ATP1B3: variants seen among roughly 807,000 people sequenced by gnomAD.
ATP1B3 encodes the protein ATPase Na+/K+ transporting subunit beta 3, also known as sodium/potassium-transporting ATPase subunit beta-3.
In ATP1B3, 10 loss-of-function variants were observed where a neutral mutation model predicts 30.2. The observed-to-expected ratio is 0.33, with a 90% confidence interval of 0.20 to 0.56. The LOEUF is 0.56. ATP1B3 is among the 20% of genes least tolerant of loss of function. The pLI, the probability that ATP1B3 is intolerant of heterozygous loss-of-function variation, is 0.90. For synonymous variants in ATP1B3, 113 were observed against 117.0 expected, an observed-to-expected ratio of 0.97 and a Z score of 0.22; for missense variants, 238 against 336.7, an observed-to-expected ratio of 0.71 and a Z score of 2.29.
chr3:141,876,875 C>T lies in ATP1B3; in HGVS notation c.74C>T (p.Thr25Ile). ...AAGCTCTTCATCTACAACCCGACCA[C>T]CGGAGAATTCCTGGGGCGCACCGCC... ...EWKLFIYNPT[T>I]GEFLGRTAKS... The change falls in exon 1 of 7, where the codon ACC (threonine) becomes ATC (isoleucine). Residue 25 changes from threonine to isoleucine, a missense_variant. Physicochemically the swap from Thr to Ile is moderately conservative, Grantham distance 89. This residue lies in a region of ATP1B3 where 130 missense variants were observed against 148.8 expected (regional missense o/e 0.87). Coordinates refer to ENST00000286371, the MANE Select transcript of ATP1B3 (RefSeq NM_001679.4). The T allele has an allele frequency of 6.3e-7, 1 of 1,582,018 alleles. No homozygotes were observed. Among genetic ancestry groups the T allele is most frequent in the Non-Finnish European group, 8.6e-7 (1 of 1,164,296 alleles).
intron 6 of ATP1B3, among the ~76,000 whole-genome samples, chr3:141,925,256 G>A (rs1934636544): frequency 1.3e-5 from 2 of 152,226 alleles, no homozygotes; most frequent in African/African-American, 4.8e-5. Context: ...CATTTGAAGC[G>A]AGGAGTTTGA....
chr3:141,898,859 A>G (rs762044723), intron 1 of ATP1B3, among the ~76,000 whole-genome samples: 7 of 152,272 alleles, frequency 4.6e-5, no homozygotes, highest in Non-Finnish European at 8.8e-5. Flanking sequence ...TAATGAATCA[A>G]TAAAATATTG....
At chr3:141,911,573 C>T (rs1327706130) in intron 3 of ATP1B3, among the ~76,000 whole-genome samples, 1 of 151,360 alleles carries the variant, frequency 6.6e-6, no homozygotes, top group Non-Finnish European at 1.5e-5. Flanking sequence ...CAGCTCACTG[C>T]AACCACCGCC....
At chr3:141,885,822 A>G (rs1256604026) in intron 1 of ATP1B3, among the ~76,000 whole-genome samples, 1 of 151,542 alleles carries the variant, frequency 6.6e-6, no homozygotes, top group Non-Finnish European at 1.5e-5. Context: ...TAATTGTTTC[A>G]CAGTTGTTCC....
intron 1 of ATP1B3, among the ~76,000 whole-genome samples, chr3:141,881,384 G>T (rs1275900923): frequency 1.3e-5 from 2 of 152,062 alleles, no homozygotes; most frequent in Non-Finnish European, 1.5e-5. Flanking sequence ...TCAGAATTCT[G>T]GACCAAAACT....
At chr3:141,912,718 G>C (rs950154347) in intron 3 of ATP1B3, among the ~76,000 whole-genome samples, 1 of 152,172 alleles carries the variant, frequency 6.6e-6, no homozygotes, top group Non-Finnish European at 1.5e-5. Flanking sequence ...GTCACATCAG[G>C]CTTGCTCACT....
intron 2 of ATP1B3, among the ~76,000 whole-genome samples, chr3:141,904,963 G>T (rs1413045841): frequency 6.6e-6 from 1 of 151,926 alleles, no homozygotes; most frequent in Admixed American, 6.6e-5. Flanking sequence ...CACCCGCCTC[G>T]GCCTCCCAAA....
intron 1 of ATP1B3, among the ~76,000 whole-genome samples, chr3:141,884,971 G>A (rs541933523): frequency 1.8e-4 from 28 of 152,174 alleles, no homozygotes; most frequent in Non-Finnish European, 3.5e-4. Flanking sequence ...TTTATTGTCA[G>A]TTGCTTTCTG....
At chr3:141,904,867 G>A (rs1210942675) in intron 2 of ATP1B3, among the ~76,000 whole-genome samples, 1 of 151,640 alleles carries the variant, frequency 6.6e-6, no homozygotes, top group East Asian at 1.9e-4. Context: ...GTGTCACCAC[G>A]CCCAGCTAAT....
Position 141,876,740 on chromosome 3 carries a change from C to T in ATP1B3, c.-62C>T, listed in dbSNP as rs1577952370. 41 of 1,367,618 alleles carry T rather than the reference C, an allele frequency of 3.0e-5. No individual in the cohort carries two copies. The highest frequency in any genetic ancestry group is 4.1e-5 in the Non-Finnish European group (40 of 983,258). The allele number at this position is 1,367,618 out of a possible 1,614,324, so 84.7% of individuals were successfully genotyped here. A position where few individuals can be genotyped will look rare whatever the true frequency, so the allele number is the denominator to read the frequency against. On this transcript the variant is annotated 5_prime_UTR_variant, in exon 1 of 7. Coordinates refer to ENST00000286371, the MANE Select transcript of ATP1B3 (RefSeq NM_001679.4). Reference sequence around the variant, plus strand: ...GCGCCGCCGGAGCCGGGACGCGCCTCCGCAGCCCTCGCCGCCTCCATCCCC... The same window carrying T: ...GCGCCGCCGGAGCCGGGACGCGCCTTCGCAGCCCTCGCCGCCTCCATCCCC...
chr3:141,877,269 C>G (rs968640881), intron 1 of ATP1B3, among the ~76,000 whole-genome samples: 3 of 152,078 alleles, frequency 2.0e-5, no homozygotes, highest in Non-Finnish European at 4.4e-5. Context: ...GGAGCCGAGC[C>G]CCCGGGCCTC....
intron 1 of ATP1B3, among the ~76,000 whole-genome samples, chr3:141,895,298 C>T (rs892590321): frequency 4.0e-5 from 6 of 151,170 alleles, no homozygotes; most frequent in Non-Finnish European, 8.8e-5. Context: ...AAGCAATTCT[C>T]CTGCCTCAGC....
chr3:141,882,278 T>A (rs978249204), intron 1 of ATP1B3, among the ~76,000 whole-genome samples: 10 of 152,226 alleles, frequency 6.6e-5, no homozygotes, highest in African/African-American at 1.9e-4. Context: ...TTCTGTTGGT[T>A]TTGAAGAAAA....
chr3:141,884,831 G>A (rs1933798723), intron 1 of ATP1B3, among the ~76,000 whole-genome samples: 1 of 152,178 alleles, frequency 6.6e-6, no homozygotes, highest in Non-Finnish European at 1.5e-5. Context: ...CTAATGCAAT[G>A]TATGTATCTC....
intron 1 of ATP1B3, among the ~76,000 whole-genome samples, chr3:141,891,073 C>G (rs747820599): frequency 2.0e-5 from 3 of 152,076 alleles, no homozygotes; most frequent in Admixed American, 1.3e-4. Flanking sequence ...TTTTCTTAAT[C>G]ACTTATCCCT....
In ATP1B3 at chr3:141,907,595, T is replaced by G. The variant is rs149672453; in HGVS notation, c.346+321T>G. Among the ~76,000 whole-genome samples, 1,230 of 151,778 alleles carry G rather than the reference T, an allele frequency of 8.1e-3. 18 individuals carry two copies. The highest frequency in any genetic ancestry group is 0.028 in the African/African-American group (1,156 of 41,382). ...GGCAAAGGTTGCAGTGAGCCAAGTT[T>G]GCGCCATTGCACTCCAGCCTTGGCA... is the stretch of plus-strand genomic sequence containing the variant. On this transcript the variant is annotated intron_variant, in intron 3 of 6. Coordinates refer to ENST00000286371, the MANE Select transcript of ATP1B3 (RefSeq NM_001679.4).
chr3:141,911,976 G>C (rs180932753), intron 3 of ATP1B3, among the ~76,000 whole-genome samples: 434 of 152,300 alleles, frequency 2.8e-3, no homozygotes, highest in African/African-American at 0.01. Context: ...GGTCACTGAT[G>C]AACTGACCTA....
intron 1 of ATP1B3, among the ~76,000 whole-genome samples, chr3:141,886,256 G>A (rs1933830985): frequency 6.6e-6 from 1 of 152,040 alleles, no homozygotes. Flanking sequence ...GTAGCTACAC[G>A]GATGTATCTA....
chr3:141,896,043 T>TTA (rs1207269218), intron 1 of ATP1B3, among the ~76,000 whole-genome samples: 1 of 152,202 alleles, frequency 6.6e-6, no homozygotes, highest in African/African-American at 2.4e-5. Context: ...GTTCAGATCT[T>TTA]TTGCCTGCTT....
Sources: gnomAD v4.1 joint callset for allele counts (sites outside exome capture counted in the v4.1 genomes callset) on GRCh38, gnomAD v4.1.1 for gene constraint, gnomAD v4.1.1 regional missense constraint, MANE v1.5 for transcripts, NCBI Gene and HGNC (gene_info 2026-07-23, HGNC 2026-07-21) for gene names.